PRR5: variants seen among roughly 807,000 people sequenced by gnomAD.
PRR5 encodes proline rich 5.
A neutral mutation model predicts 30.6 loss-of-function variants in PRR5; 25 were observed. The observed-to-expected ratio is 0.82, with a 90% CI of 0.60 to 1.14. PRR5 has a LOEUF of 1.14. Among genes scored for constraint, PRR5 ranks in the 50% most tolerant of loss-of-function variants. The pLI is 0.00. For missense variants in PRR5, 600 were observed against 547.1 expected (o/e 1.10, Z -0.96); for synonymous variants, 286 against 247.1 (o/e 1.16, Z -1.48).
At chr22:44,679,750 C>G (rs1418736369) in intron 1 of PRR5, 2 of 1,470,962 alleles carry the variant, frequency 1.4e-6, no homozygotes, top group Non-Finnish European at 9.3e-7. Context: ...AGCCTCCCCG[C>G]TCTGGGACAC....
chr22:44,684,663 T>G (rs9626525), intron 1 of PRR5, among the ~76,000 whole-genome samples: 13,729 of 152,264 alleles, frequency 0.09, 780 homozygotes, highest in East Asian at 0.27. Flanking sequence ...GTTGCCCAGC[T>G]TGCACCCGCC....
chr22:44,719,081 T>C (rs1199595022), intron 2 of PRR5, among the ~76,000 whole-genome samples: 2 of 146,558 alleles, frequency 1.4e-5, no homozygotes, highest in East Asian at 4.0e-4. Flanking sequence ...GAACACACTT[T>C]GCATAATCTT....
rs141484934 is a variant in PRR5 at position 44,727,464 on chromosome 22, C to T, written c.322+830C>T. On this transcript the variant is annotated intron_variant, in intron 4 of 7. Transcript: ENST00000336985. ...TAGGCACCGGGTGTGTGCGTCCCTC[C>T]GTGCTGGACTGCCCCGAGTGTTTCA... Among the ~76,000 whole-genome samples, 663 of 152,322 alleles carry T rather than the reference C, an allele frequency of 4.4e-3. 6 individuals are homozygous for T. The highest frequency in any genetic ancestry group is 0.016 in the African/African-American group (648 of 41,572).
intron 1 of PRR5, among the ~76,000 whole-genome samples, chr22:44,694,984 G>A (rs1055576540): frequency 1.4e-4 from 22 of 152,098 alleles, no homozygotes; most frequent in East Asian, 5.8e-4. Flanking sequence ...CAGCCTGGCC[G>A]ACACGATGAA....
chr22:44,733,363 G>A (rs1281294592), intron 6 of PRR5, among the ~76,000 whole-genome samples: 1 of 152,244 alleles, frequency 6.6e-6, no homozygotes, highest in African/African-American at 2.4e-5. Flanking sequence ...AGCTAATAAG[G>A]GCGGGAGCCC....
At chr22:44,679,526 G>T (rs9614874) in intron 1 of PRR5, 22,774 of 272,472 alleles carry the variant, frequency 0.084, 1,331 homozygotes, top group East Asian at 0.26. Context: ...CCAACATGGA[G>T]AAACCCCATC....
chr22:44,729,740 G>A lies in PRR5; in HGVS notation c.323-1990G>A, dbSNP rs575800267. ...GCCCTTCCTGGCCTCTCGTCACCGT[G>A]TGGCTCCAGCTGGGGCCTGGATTCT... On this transcript the variant is annotated intron_variant, in intron 4 of 7. Transcript: ENST00000336985. 3.0e-6 allele frequency: 3 copies of A among 985,482 alleles called. No individual in the cohort carries two copies. In the East Asian group the frequency reaches 3.4e-4, roughly 112 times the overall value. The allele number at this position is 985,482 out of a possible 1,614,324, so 61.0% of individuals were successfully genotyped here.
At chr22:44,705,248 G>T (rs1238868010) in intron 1 of PRR5, among the ~76,000 whole-genome samples, 1 of 152,164 alleles carries the variant, frequency 6.6e-6, no homozygotes, top group African/African-American at 2.4e-5. Flanking sequence ...TCTTTGGCTT[G>T]TGGCTGCATC....
chr22:44,717,357 A>C (rs1283233926), intron 2 of PRR5, among the ~76,000 whole-genome samples: 1 of 151,536 alleles, frequency 6.6e-6, no homozygotes, highest in Non-Finnish European at 1.5e-5. Context: ...ACGCCTGGCT[A>C]ATTTTTATAT....
At chr22:44,705,220 C>T (rs1456344082) in intron 1 of PRR5, among the ~76,000 whole-genome samples, 1 of 152,202 alleles carries the variant, frequency 6.6e-6, no homozygotes, top group African/African-American at 2.4e-5. Context: ...GGAGGAGCTT[C>T]TTGAAGCTTC....
At chr22:44,715,526 A>C (rs528687626) in intron 2 of PRR5, among the ~76,000 whole-genome samples, 80 of 152,192 alleles carry the variant, frequency 5.3e-4, no homozygotes, top group Middle Eastern at 3.4e-3. Flanking sequence ...CCGCTTGTTC[A>C]GGGTGTCCTG....
chr22:44,691,780 A>G lies in PRR5; in HGVS notation c.-10-10712A>G, dbSNP rs1432129871. The stretch of plus-strand genomic sequence containing the variant: ...CGGGAGCAAGACTCCATCTCAAAAA[A>G]AAAAAGACACTGAAATCCACCAAGT... On this transcript the variant is annotated intron_variant, in intron 1 of 8. Transcript: ENST00000006251. This position sits in a 1 kb window ranked among gnomAD's most constrained non-coding sequence, Gnocchi z 4.4. 6.6e-6 allele frequency among the ~76,000 whole-genome samples: 1 copy of G among 152,026 alleles called. No individual in the cohort carries two copies. Among genetic ancestry groups the G allele is most frequent in the African/African-American group, 2.4e-5 (1 of 41,418 alleles).
intron 1 of PRR5, among the ~76,000 whole-genome samples, chr22:44,704,182 C>G (rs1013366334): frequency 9.9e-5 from 15 of 152,208 alleles, no homozygotes; most frequent in African/African-American, 3.6e-4. Context: ...CACAGCTCAA[C>G]CCCAGACTCA....
intron 1 of PRR5, among the ~76,000 whole-genome samples, chr22:44,687,458 A>AGGCTAGAGCAGACCCAT (rs1317468302): frequency 6.6e-6 from 1 of 152,248 alleles, no homozygotes; most frequent in Non-Finnish European, 1.5e-5. Flanking sequence ...ACCTAATCCC[A>AGGCTAGAGCAGACCCAT]GGCTAGAGCA....
At chr22:44,717,381 G>A (rs1000312760) in intron 2 of PRR5, among the ~76,000 whole-genome samples, 34 of 151,730 alleles carry the variant, frequency 2.2e-4, no homozygotes, top group Non-Finnish European at 4.3e-4. Context: ...TAGTAGAGAC[G>A]GGGTTTCACC....
At chr22:44,728,451 G>A (rs1921266502) in intron 4 of PRR5, among the ~76,000 whole-genome samples, 1 of 152,220 alleles carries the variant, frequency 6.6e-6, no homozygotes. Context: ...CAGCCCAATT[G>A]GGGACACAGA....
At position 44,735,104 on chromosome 22, in the gene PRR5, C is replaced by A. The variant is rs143255482; in HGVS notation, c.633C>A (p.Tyr211Ter). 1 of 1,612,582 alleles carries A rather than the reference C, an allele frequency of 6.2e-7. No homozygotes were observed. Among genetic ancestry groups the A allele is most frequent in the African/African-American group, 1.3e-5 (1 of 74,900 alleles). ...TGGTCCAGAAGGTGGTGTCGCCATA[C>A]CTGGGCACCTACGGCCTCCACTCCA... ...ETLVQKVVSP[Y>*]LGTYGLHSSE... Residue 211 changes from tyrosine (Y) to a stop codon, truncating the protein, a stop_gained, in exon 7 of 8, where the codon TAC (tyrosine) becomes TAA (stop). Coordinates refer to ENST00000336985, the MANE Select transcript of PRR5 (RefSeq NM_181333.4). LOFTEE classifies it high-confidence loss of function.
At chr22:44,698,975 A>C (rs1174779048), upstream of PRR5, among the ~76,000 whole-genome samples, 1 of 152,154 alleles carries the variant, frequency 6.6e-6, no homozygotes, top group Non-Finnish European at 1.5e-5. Context: ...CCAAACCCAG[A>C]GCACTAGCAC....
At position 44,691,547 on chromosome 22, in the gene PRR5, G is replaced by T. The variant is rs961903180; in HGVS notation, c.-10-10945G>T. Among the ~76,000 whole-genome samples the T allele has an allele frequency of 8.5e-5, 13 of 152,190 alleles. 1 individual carries two copies. The highest frequency in any genetic ancestry group is 2.4e-5 in the African/African-American group (1 of 41,444). On this transcript the variant is annotated intron_variant, in intron 1 of 8. Transcript: ENST00000006251. This position sits in a 1 kb window ranked among gnomAD's most constrained non-coding sequence, Gnocchi z 4.4. ...CGAGCAGTTTGGGAGGCCGAGGCGG[G>T]TAGATCACCTGAGGTCAGGAGTTCA...
Sources: allele counts gnomAD v4.1 joint callset (sites outside exome capture counted in the v4.1 genomes callset), GRCh38; gene constraint gnomAD v4.1.1; non-coding constraint Gnocchi (gnomAD v3.1); transcripts MANE v1.5; gene names NCBI Gene and HGNC (gene_info 2026-07-23, HGNC 2026-07-21).